The following SEC14L1 variants were observed in gnomAD, a reference collection of about 807,000 sequenced individuals.
SEC14L1 encodes SEC14-like protein 1.
SEC14L1 carries 48 observed loss-of-function variants against 85.3 expected under a neutral mutation model. The ratio of observed to expected loss-of-function variants is 0.56; its 90% confidence interval spans 0.45 to 0.72. The LOEUF (loss-of-function observed/expected upper bound fraction) is 0.72. SEC14L1 is among the 30% of genes least tolerant of loss of function. The pLI is 0.00. For synonymous variants in SEC14L1, 391 were observed against 355.5 expected (o/e 1.10, Z -1.12); for missense variants, 682 against 921.4 (o/e 0.74, Z 3.36).
chr17:77,159,040 G>A (rs1197071926), intron 3 of SEC14L1, among the ~76,000 whole-genome samples: 4 of 150,420 alleles, frequency 2.7e-5, no homozygotes, highest in Non-Finnish European at 5.9e-5. Flanking sequence ...GCCTGGCTTC[G>A]TGTGATCCAC....
chr17:77,213,760 C>CT lies in SEC14L1; in HGVS notation c.2043-157dup, dbSNP rs759800932. The CT allele has an allele frequency of 1.3e-5, 13 of 1,005,692 alleles. No homozygotes were observed. Among genetic ancestry groups the CT allele is most frequent in the Non-Finnish European group, 1.1e-5 (7 of 655,706 alleles). 62.3% of individuals were successfully genotyped at this position (1,005,692 alleles called of 1,614,324 possible). The stretch of plus-strand genomic sequence containing the variant: ...TGCAGGCTGTGGGAAGCCGGTCCCC[C>CT]TGGTGGGTTACTCATGTCCATCCCC... On this transcript the variant is annotated intron_variant, in intron 16 of 16. Transcript: ENST00000436233. The surrounding 1 kb of genome is among the most constrained non-coding windows in gnomAD (Gnocchi z 7.1).
chr17:77,213,978 C>A lies in SEC14L1; in HGVS notation c.2103C>A (p.Thr701=), dbSNP rs1367516632. ...GCTTCTCCCAGCTGAGTGCCGCCAC[C>A]ACCTCCTCCAGCCAGTCCCACTCCA... ...HSGFSQLSAA[T]TSSSQSHSSS... Residue 701 remains threonine, a synonymous_variant, in exon 17 of 17, where the codon ACC becomes ACA. Transcript: ENST00000436233. The surrounding 1 kb of genome is among the most constrained non-coding windows in gnomAD (Gnocchi z 7.1). 2 of 1,613,392 alleles carry A rather than the reference C, an allele frequency of 1.2e-6. No homozygotes were observed. The highest frequency in any genetic ancestry group is 4.5e-5 in the East Asian group (2 of 44,844).
chr17:77,206,295 A>G lies in SEC14L1; in HGVS notation c.1236A>G (p.Lys412=). The G allele has an allele frequency of 1.9e-6, 3 of 1,614,156 alleles. 1 individual carries two copies. Among genetic ancestry groups the G allele is most frequent in the South Asian group, 2.2e-5 (2 of 91,088 alleles). The change falls in exon 12 of 17, where the codon AAA becomes AAG. Residue 412 remains lysine, a synonymous_variant. Coordinates refer to ENST00000436233, the MANE Select transcript of SEC14L1 (RefSeq NM_001143998.2). This position sits in a 1 kb window ranked among gnomAD's most constrained non-coding sequence, Gnocchi z 4.3. ...NMRHLWRPGV[K]ALLRIIEVVE... ...GCCACTTGTGGAGACCTGGTGTGAA[A>G]GCGCTGCTGCGGATCATCGAGGTGG...
At chr17:77,201,241 C>T (rs1976124626) in intron 9 of SEC14L1, among the ~76,000 whole-genome samples, 2 of 152,022 alleles carry the variant, frequency 1.3e-5, no homozygotes, top group Admixed American at 6.6e-5. Context: ...GGAAGACCTG[C>T]ACTGTCAAAA....
At chr17:77,156,256 A>C (rs1232471882) in intron 3 of SEC14L1, among the ~76,000 whole-genome samples, 4 of 152,088 alleles carry the variant, frequency 2.6e-5, no homozygotes, top group African/African-American at 7.2e-5. Context: ...TCCCAGGGTG[A>C]GAATCAAATC....
intron 3 of SEC14L1, among the ~76,000 whole-genome samples, chr17:77,172,274 C>T (rs138136281): frequency 2.7e-3 from 418 of 152,222 alleles, no homozygotes; most frequent in African/African-American, 9.7e-3. Context: ...CCTTGACCGC[C>T]GTATTCTTCC....
intron 10 of SEC14L1, 29 bp from the exon 11 acceptor site, chr17:77,205,247 G>A (rs767370034): frequency 1.3e-6 from 2 of 1,599,956 alleles, no homozygotes; most frequent in Non-Finnish European, 1.7e-6. Context: ...AACTAATCAT[G>A]GTAAATTTTC....
At chr17:77,179,631 A>G (rs1466537448) in intron 3 of SEC14L1, among the ~76,000 whole-genome samples, 3 of 152,092 alleles carry the variant, frequency 2.0e-5, no homozygotes, top group South Asian at 4.1e-4. Flanking sequence ...TAAGCTTTAT[A>G]TGTGTTTGAT....
Position 77,214,225 on chromosome 17 carries a change from T to G in SEC14L1, c.*202T>G. 1.5e-6 allele frequency: 2 copies of G among 1,372,022 alleles called. No homozygotes were observed. The highest frequency in any genetic ancestry group is 1.9e-6 in the Non-Finnish European group (2 of 1,064,896). 85.0% of individuals were successfully genotyped at this position (1,372,022 alleles called of 1,614,324 possible). A position where few individuals can be genotyped will look rare whatever the true frequency, so the allele number is the denominator to read the frequency against. On this transcript the variant is annotated 3_prime_UTR_variant, in exon 17 of 17. Transcript: ENST00000436233. ...TAACTCTGATCCTAACTTAACTCAA[T>G]AGCCATAGATTTTGTATACGTTGTG...
At chr17:77,179,021 G>A (rs1974886383) in intron 3 of SEC14L1, among the ~76,000 whole-genome samples, 1 of 152,194 alleles carries the variant, frequency 6.6e-6, no homozygotes, top group Non-Finnish European at 1.5e-5. Context: ...CGTGGAATTT[G>A]GAAGAGATTT....
At chr17:77,145,014 C>G (rs978813217) in intron 3 of SEC14L1, 1 of 152,040 alleles carries the variant, frequency 6.6e-6, no homozygotes, top group African/African-American at 2.4e-5. Flanking sequence ...TGAGTTCAAG[C>G]GATTCTGCAT....
chr17:77,125,692 C>G (rs1210835915), intron 3 of SEC14L1, among the ~76,000 whole-genome samples: 2 of 152,216 alleles, frequency 1.3e-5, no homozygotes, highest in African/African-American at 4.8e-5. Context: ...GCACCTACCT[C>G]TGCTAGGCTT....
In SEC14L1 at chr17:77,216,526, CT is replaced by C; in HGVS notation, c.*2506del. The C allele has an allele frequency of 6.2e-7, 1 of 1,613,170 alleles. No homozygotes were observed. Among genetic ancestry groups the C allele is most frequent in the Non-Finnish European group, 8.5e-7 (1 of 1,179,386 alleles). ...GGCCTGAAGGTGGTCCCTGCTTTCT[CT>C]TTCTCTTTCTCTGTGTCTCAGATGG... On this transcript the variant is annotated 3_prime_UTR_variant, in exon 17 of 17. Transcript: ENST00000436233.
rs1976959100 is a variant in SEC14L1, at chr17:77,214,811, C to T, written c.*788C>T. 7 of 985,558 alleles carry T rather than the reference C, an allele frequency of 7.1e-6. No individual in the cohort carries two copies. Among genetic ancestry groups the T allele is most frequent in the Non-Finnish European group, 8.4e-6 (7 of 830,040 alleles). The allele number at this position is 985,558 out of a possible 1,614,324, so 61.1% of individuals were successfully genotyped here. A position where few individuals can be genotyped will look rare whatever the true frequency, so the allele number is the denominator to read the frequency against. On this transcript the variant is annotated 3_prime_UTR_variant, in exon 17 of 17. Coordinates refer to ENST00000436233, the MANE Select transcript of SEC14L1 (RefSeq NM_001143998.2). Reference sequence around the variant, plus strand: ...TCCCGTTTCCTTCCGTGCGTCGCCCCTCTCACCTGCAGTCAGCTCCCAGCC... The same window carrying T: ...TCCCGTTTCCTTCCGTGCGTCGCCCTTCTCACCTGCAGTCAGCTCCCAGCC...
chr17:77,192,326 A>C (rs973048584), intron 5 of SEC14L1, among the ~76,000 whole-genome samples: 9 of 152,122 alleles, frequency 5.9e-5, no homozygotes, highest in Admixed American at 5.2e-4. Flanking sequence ...TGTATCCTTA[A>C]CACTGAATTC....
chr17:77,183,128 T>C (rs1480651629), intron 3 of SEC14L1, among the ~76,000 whole-genome samples: 1 of 152,270 alleles, frequency 6.6e-6, no homozygotes, highest in Non-Finnish European at 1.5e-5. Context: ...ATTTCTTGGT[T>C]TGTACCAATC....
chr17:77,190,892 T>G lies in SEC14L1; in HGVS notation c.153T>G (p.Ala51=). 6.2e-7 allele frequency: 1 copy of G among 1,614,254 alleles called. No individual in the cohort carries two copies. Among genetic ancestry groups the G allele is most frequent in the South Asian group, 1.1e-5 (1 of 91,088 alleles). The change falls in exon 4 of 17, where the codon GCT becomes GCG. Residue 51 remains alanine (A), a synonymous_variant. Coordinates refer to ENST00000436233, the MANE Select transcript of SEC14L1 (RefSeq NM_001143998.2). The stretch of plus-strand genomic sequence containing the variant: ...ATGAATTCAAGAGCGAAGATGGGGC[T>G]ATTCATGTCATTGAAAGGCGCTGCA... ...TVNEFKSEDG[A]IHVIERRCKL...
chr17:77,133,523 T>C (rs1972680141), intron 3 of SEC14L1, among the ~76,000 whole-genome samples: 1 of 152,194 alleles, frequency 6.6e-6, no homozygotes, highest in Non-Finnish European at 1.5e-5. Context: ...CTATGGACTC[T>C]TGGGAATCCT....
rs1976799040 is a variant in SEC14L1, at chr17:77,212,323, GTGGAGGAGCAGCTTGCC to G, written c.1863+134_1863+150del. 6.5e-6 allele frequency: 9 copies of G among 1,390,022 alleles called. 1 individual carries two copies. The highest frequency in any genetic ancestry group is 5.8e-5 in the African/African-American group (4 of 69,360). The allele number at this position is 1,390,022 out of a possible 1,614,324, so 86.1% of individuals were successfully genotyped here. ...CTGTGTAGCTTTTGAGGCCCTGCTT[GTGGAGGAGCAGCTTGCC>G]TGGAGGAGCAGGAAGCCAAGTGGGT... On this transcript the variant is annotated intron_variant, in intron 15 of 16. Coordinates refer to ENST00000436233, the MANE Select transcript of SEC14L1 (RefSeq NM_001143998.2).
Sources: allele counts gnomAD v4.1 joint callset (sites outside exome capture counted in the v4.1 genomes callset), GRCh38; gene constraint gnomAD v4.1.1; non-coding constraint Gnocchi (gnomAD v3.1); transcripts MANE v1.5; gene names NCBI Gene and HGNC (gene_info 2026-07-23, HGNC 2026-07-21).